The following NEK10 variants were observed in gnomAD, a reference collection of about 807,000 sequenced individuals.
NEK10 encodes NIMA related kinase 10, also known as serine/threonine-protein kinase Nek10.
A neutral mutation model predicts 159.8 loss-of-function variants in NEK10; 122 were observed. The ratio of observed to expected loss-of-function variants is 0.76; its 90% CI spans 0.66 to 0.89. The LOEUF (loss-of-function observed/expected upper bound fraction) is 0.89. Among genes scored for constraint, NEK10 ranks in the 40% least tolerant of loss-of-function variants. The pLI, the probability that NEK10 is intolerant of heterozygous loss-of-function variation, is 0.00. For missense variants in NEK10, 1,342 were observed against 1,323.1 expected (o/e 1.01, Z -0.22); for synonymous variants, 466 against 457.1 (o/e 1.02, Z -0.25).
rs543155210 is a variant in NEK10, at chr3:27,268,351, G to A, written c.2015-11980C>T. Among the ~76,000 whole-genome samples, 4 of 152,274 alleles carry A rather than the reference G, an allele frequency of 2.6e-5. No individual in the cohort carries two copies. The East Asian group carries it at 7.7e-4, about 29-fold the overall frequency. ...TTCTACTGAAAGAAGATGCCATCTA[G>A]GACTTTCATAGTTAGGGAGGAGAAG... On this transcript the variant is annotated intron_variant, in intron 22 of 35. Transcript: ENST00000691995.
At chr3:27,130,822 G>A (rs531125171) in intron 32 of NEK10, among the ~76,000 whole-genome samples, 2 of 152,222 alleles carry the variant, frequency 1.3e-5, no homozygotes, top group East Asian at 1.9e-4. Flanking sequence ...CTCTTCTACT[G>A]CTTTGATCTC....
intron 23 of NEK10, chr3:27,215,732 G>A (rs867808214): frequency 3.7e-5 from 26 of 706,530 alleles, no homozygotes; most frequent in African/African-American, 3.5e-4. Flanking sequence ...ATTGGCTCAC[G>A]GTTCTGCAGG....
chr3:27,296,055 A>T (rs2043331101), intron 14 of NEK10, among the ~76,000 whole-genome samples: 1 of 152,182 alleles, frequency 6.6e-6, no homozygotes, highest in African/African-American at 2.4e-5. Context: ...TAATTACCAC[A>T]ACCATAAAGG....
chr3:27,287,327 T>C (rs1341811947), intron 20 of NEK10, among the ~76,000 whole-genome samples: 3 of 152,160 alleles, frequency 2.0e-5, no homozygotes, highest in Non-Finnish European at 4.4e-5. Flanking sequence ...CCAACTTATT[T>C]TGGGGATGGA....
intron 30 of NEK10, among the ~76,000 whole-genome samples, chr3:27,143,649 AGT>A (rs1350631613): frequency 6.6e-6 from 1 of 152,214 alleles, no homozygotes; most frequent in Non-Finnish European, 1.5e-5. Flanking sequence ...TAAAAAATAA[AGT>A]TAAAAATATT....
chr3:27,336,233 A>T (rs1192657504), intron 5 of NEK10, among the ~76,000 whole-genome samples: 63 of 152,166 alleles, frequency 4.1e-4, no homozygotes, highest in Non-Finnish European at 2.9e-5. Context: ...ATATGCTAAC[A>T]AACTGAAAAA....
intron 5 of NEK10, among the ~76,000 whole-genome samples, chr3:27,336,691 G>A (rs765468385): frequency 6.6e-6 from 1 of 152,080 alleles, no homozygotes; most frequent in Non-Finnish European, 1.5e-5. Context: ...GAATGGTTTG[G>A]CATGCAAAAG....
chr3:27,296,860 C>T (rs955417303), intron 14 of NEK10, among the ~76,000 whole-genome samples: 1 of 152,068 alleles, frequency 6.6e-6, no homozygotes, highest in Admixed American at 6.6e-5. Flanking sequence ...GCTGTCCTTA[C>T]CTTATGGTAT....
intron 1 of NEK10, among the ~76,000 whole-genome samples, chr3:27,364,159 A>G (rs952530897): frequency 6.6e-6 from 1 of 150,952 alleles, no homozygotes; most frequent in African/African-American, 2.4e-5. Flanking sequence ...TCATTTGAAG[A>G]GTTTGTGTAT....
chr3:27,199,334 T>C (rs904780510), intron 25 of NEK10, among the ~76,000 whole-genome samples: 2 of 152,148 alleles, frequency 1.3e-5, no homozygotes, highest in African/African-American at 4.8e-5. Context: ...AAGGCATACA[T>C]GTAGCCAACA....
intron 30 of NEK10, 161 bp downstream of exon 30, chr3:27,162,540 C>T (rs532216964): frequency 1.2e-6 from 2 of 1,614,134 alleles, no homozygotes; most frequent in African/African-American, 1.3e-5. Flanking sequence ...CCTCTATTTC[C>T]TTAATGTGGG....
chr3:27,116,215 G>A (rs1238599634), intron 33 of NEK10, 88 bp from the exon 34 acceptor site: 3 of 1,128,944 alleles, frequency 2.7e-6, no homozygotes, highest in Non-Finnish European at 3.9e-6. Flanking sequence ...TCAACCACAG[G>A]GCAAACAGGT....
intron 5 of NEK10, among the ~76,000 whole-genome samples, chr3:27,339,935 T>A (rs764830299): frequency 4.6e-5 from 7 of 152,218 alleles, no homozygotes; most frequent in Non-Finnish European, 8.8e-5. Context: ...TCAACCATTA[T>A]GGAGGACAGC....
chr3:27,344,518 A>T (rs1309466902), intron 4 of NEK10, 148 bp from the exon 5 acceptor site: 1 of 471,028 alleles, frequency 2.1e-6, no homozygotes, highest in Non-Finnish European at 3.7e-6. Flanking sequence ...ATATTGAAGG[A>T]GCCTTGCGTT....
intron 30 of NEK10, among the ~76,000 whole-genome samples, chr3:27,150,213 G>T (rs1944694834): frequency 1.3e-5 from 2 of 152,182 alleles, no homozygotes; most frequent in African/African-American, 4.8e-5. Context: ...AGAAGTTGCA[G>T]CAAGGTAAGA....
intron 32 of NEK10, among the ~76,000 whole-genome samples, chr3:27,128,074 A>C (rs138363155): frequency 3.0e-3 from 458 of 152,276 alleles, no homozygotes; most frequent in African/African-American, 0.01. Flanking sequence ...TTTTCCCGTA[A>C]AGGATCAGAT....
chr3:27,353,054 A>C, intron 1 of NEK10, 135 bp from the exon 2 acceptor site: 1 of 588,072 alleles, frequency 1.7e-6, no homozygotes. Context: ...TACAATAATA[A>C]AAGTGTTAAT....
chr3:27,199,175 A>C (rs1351136885), intron 25 of NEK10, among the ~76,000 whole-genome samples: 1 of 151,996 alleles, frequency 6.6e-6, no homozygotes, highest in Non-Finnish European at 1.5e-5. Context: ...GTAAACAGAC[A>C]ATCTACAGAA....
intron 22 of NEK10, among the ~76,000 whole-genome samples, chr3:27,271,268 G>A (rs1241629926): frequency 5.9e-5 from 9 of 151,440 alleles, no homozygotes; most frequent in Admixed American, 2.0e-4. Flanking sequence ...AGACTAAATC[G>A]TATAAGGTGG....
Sources: allele counts gnomAD v4.1 joint callset (sites outside exome capture counted in the v4.1 genomes callset), GRCh38; gene constraint gnomAD v4.1.1; transcripts MANE v1.5; gene names NCBI Gene and HGNC (gene_info 2026-07-23, HGNC 2026-07-21).